SGCD: variants seen among roughly 807,000 people sequenced by gnomAD.
The protein encoded by SGCD is delta-sarcoglycan.
SGCD carries 18 observed loss-of-function variants against 36.6 expected under a neutral mutation model. That is an observed-to-expected ratio of 0.49 (90% CI 0.34 to 0.73). The LOEUF (loss-of-function observed/expected upper bound fraction) is 0.73, where lower values mean the gene tolerates loss of function less well. Ranked by LOEUF, SGCD falls within the 30% of genes least tolerant of loss-of-function variation. The pLI is 0.01. For synonymous variants in SGCD, 133 were observed against 130.6 expected, an observed-to-expected ratio of 1.02 and a Z score of -0.12; for missense variants, 387 against 346.7, an observed-to-expected ratio of 1.12 and a Z score of -0.92.
At chr5:155,744,986 A>C in the SGCD span, among the ~76,000 whole-genome samples, 3 of 152,208 alleles carry the variant, frequency 2.0e-5, no homozygotes, top group African/African-American at 7.2e-5. Flanking sequence ...GCATTCAGAG[A>C]GCAAAGACAG....
intron 3 of SGCD, among the ~76,000 whole-genome samples, chr5:156,157,802 CT>C (rs1358072273): frequency 6.6e-6 from 1 of 151,570 alleles, no homozygotes; most frequent in Admixed American, 6.6e-5. Context: ...CTTTGTTTAA[CT>C]TATCATTGTT....
At chr5:156,749,634 A>T (rs552774572) in intron 7 of SGCD, among the ~76,000 whole-genome samples, 5 of 152,250 alleles carry the variant, frequency 3.3e-5, no homozygotes, top group Non-Finnish European at 7.4e-5. Flanking sequence ...GGAGAATAGC[A>T]GGGGACATTT....
the SGCD span, among the ~76,000 whole-genome samples, chr5:155,741,002 G>C: frequency 7.3e-5 from 11 of 151,656 alleles, no homozygotes; most frequent in African/African-American, 2.4e-4. Context: ...TAGTGGGACA[G>C]AAGTCACAGG....
chr5:156,643,280 C>T (rs1299091587), intron 6 of SGCD, among the ~76,000 whole-genome samples: 1 of 152,082 alleles, frequency 6.6e-6, no homozygotes, highest in Non-Finnish European at 1.5e-5. Context: ...GATCCGCCCA[C>T]CTTGGCCTTC....
intron 6 of SGCD, among the ~76,000 whole-genome samples, chr5:156,626,232 T>C (rs1288195051): frequency 6.6e-6 from 1 of 152,170 alleles, no homozygotes; most frequent in Non-Finnish European, 1.5e-5. Flanking sequence ...TAAATAACCT[T>C]TGTGTCCCTG....
At chr5:156,478,497 C>A (rs982149382) in intron 3 of SGCD, among the ~76,000 whole-genome samples, 7 of 152,214 alleles carry the variant, frequency 4.6e-5, no homozygotes, top group Admixed American at 3.3e-4. Context: ...GCAATTCTGT[C>A]GCTTGGTGTC....
intron 1 of SGCD, among the ~76,000 whole-genome samples, chr5:156,043,419 A>C (rs1301404304): frequency 2.6e-5 from 4 of 152,168 alleles, no homozygotes; most frequent in Non-Finnish European, 5.9e-5. Flanking sequence ...ATCCTCTTGC[A>C]TCTCCAGCAG....
intron 1 of SGCD, among the ~76,000 whole-genome samples, chr5:155,953,995 G>A (rs538279630): frequency 7.9e-5 from 12 of 152,168 alleles, no homozygotes; most frequent in African/African-American, 2.2e-4. Context: ...GCCCCCATTC[G>A]GAGACAGATA....
chr5:156,440,648 C>A (rs1753445992), intron 3 of SGCD, among the ~76,000 whole-genome samples: 1 of 152,060 alleles, frequency 6.6e-6, no homozygotes, highest in South Asian at 2.1e-4. Context: ...TTATTATTGC[C>A]ATCCTAGTGG....
At chr5:156,732,602 C>T (rs1370088365) in intron 7 of SGCD, among the ~76,000 whole-genome samples, 1 of 151,810 alleles carries the variant, frequency 6.6e-6, no homozygotes, top group African/African-American at 2.4e-5. Flanking sequence ...CAGGATGATG[C>T]CTCATAGAAT....
At chr5:156,033,007 G>A (rs115199031) in intron 1 of SGCD, among the ~76,000 whole-genome samples, 3,962 of 151,956 alleles carry the variant, frequency 0.026, 171 homozygotes, top group African/African-American at 0.091. Flanking sequence ...AGCCTTGGAG[G>A]TCAAAGCTGC....
At chr5:156,756,374 G>GCTAT (rs1757335167) in intron 7 of SGCD, among the ~76,000 whole-genome samples, 1 of 151,998 alleles carries the variant, frequency 6.6e-6, no homozygotes, top group South Asian at 2.1e-4. Flanking sequence ...ATAGCAAGAC[G>GCTAT]CTATCTCTAC....
At chr5:155,818,625 A>G in the SGCD span, among the ~76,000 whole-genome samples, 1 of 152,118 alleles carries the variant, frequency 6.6e-6, no homozygotes, top group East Asian at 1.9e-4. Context: ...GGCCCAAGTG[A>G]TCCTCCCACC....
intron 4 of SGCD, among the ~76,000 whole-genome samples, chr5:156,557,386 ATGTGGT>A (rs1409926066): frequency 1.3e-5 from 2 of 152,178 alleles, no homozygotes; most frequent in African/African-American, 4.8e-5. Context: ...ATTGCTGGCC[ATGTGGT>A]TATTCATGAA....
intron 3 of SGCD, among the ~76,000 whole-genome samples, chr5:156,217,270 T>G (rs1038849112): frequency 9.2e-5 from 14 of 152,194 alleles, no homozygotes; most frequent in African/African-American, 3.4e-4. Flanking sequence ...AGACTGAAAT[T>G]TATTCAACTG....
At chr5:155,859,240 T>C in the SGCD span, among the ~76,000 whole-genome samples, 3 of 151,772 alleles carry the variant, frequency 2.0e-5, no homozygotes, top group Non-Finnish European at 4.4e-5. Context: ...TTATTATTAT[T>C]GTTATTTGTA....
rs1267810339 is a variant in SGCD at position 156,344,678 on chromosome 5, G to A, written c.192+1G>A. The A allele has an allele frequency of 1.3e-6, 2 of 1,597,594 alleles. No homozygotes were observed. Among genetic ancestry groups the A allele is most frequent in the Non-Finnish European group, 1.7e-6 (2 of 1,172,230 alleles). The stretch of plus-strand genomic sequence containing the variant: ...TCTCAAAGTCATGAACTTCACAATT[G>A]TAAGTAAAACCATCTAGGTTTGTTT... On this transcript the variant is annotated splice_donor_variant, in intron 3 of 8. Coordinates refer to ENST00000337851, the MANE Select transcript of SGCD (RefSeq NM_000337.6). LOFTEE classifies it high-confidence loss of function.
intron 5 of SGCD, among the ~76,000 whole-genome samples, chr5:156,592,511 A>G (rs896771706): frequency 1.3e-5 from 2 of 152,000 alleles, no homozygotes; most frequent in Non-Finnish European, 2.9e-5. Context: ...CCTTGTCTCC[A>G]GTTTTCTATT....
chr5:155,812,686 TG>T, the SGCD span, among the ~76,000 whole-genome samples: 1 of 152,222 alleles, frequency 6.6e-6, no homozygotes, highest in Non-Finnish European at 1.5e-5. Context: ...ATGGGACATT[TG>T]AATAAGAACC....
Sources: allele counts gnomAD v4.1 joint callset (sites outside exome capture counted in the v4.1 genomes callset), GRCh38; gene constraint gnomAD v4.1.1; transcripts MANE v1.5; gene names NCBI Gene and HGNC (gene_info 2026-07-23, HGNC 2026-07-21).